KLHL2: variants seen among roughly 807,000 people sequenced by gnomAD.
KLHL2 encodes kelch like family member 2.
In KLHL2, 15 loss-of-function variants were observed where a neutral mutation model predicts 75.8. The observed-to-expected ratio is 0.20, with a 90% CI of 0.13 to 0.30. KLHL2 has a LOEUF of 0.30. Among genes scored for constraint, KLHL2 ranks in the 10% least tolerant of loss-of-function variants. The pLI is 1.00. For missense variants in KLHL2, 381 were observed against 741.0 expected (o/e 0.51, Z 5.64); for synonymous variants, 214 against 251.9 (o/e 0.85, Z 1.42).
chr4:165,239,593 C>T lies in KLHL2; in HGVS notation c.381+694C>T, dbSNP rs145646288. Among the ~76,000 whole-genome samples, 1,470 of 152,198 alleles carry T rather than the reference C, an allele frequency of 9.7e-3. 16 individuals carry two copies. The highest frequency in any genetic ancestry group is 0.016 in the Non-Finnish European group (1,091 of 68,018). ...ATTCTTTGTTTTACTATTTGAGCAT[C>T]CTCTTTAAGTGATTCTGGAGTTTAG... On this transcript the variant is annotated intron_variant, in intron 4 of 14. Transcript: ENST00000226725.
intron 4 of KLHL2, among the ~76,000 whole-genome samples, chr4:165,241,355 A>G (rs1739804492): frequency 6.6e-6 from 1 of 152,206 alleles, no homozygotes. Context: ...TTGTCAATCT[A>G]TATTTTGTTA....
intron 14 of KLHL2, chr4:165,321,503 G>A: frequency 3.2e-6 from 1 of 316,166 alleles, no homozygotes; most frequent in Non-Finnish European, 6.2e-6. Context: ...TGTAAAATAT[G>A]TGTTAATTGA....
intron 6 of KLHL2, 26 bp downstream of exon 6, chr4:165,294,494 G>T (rs1310746902): frequency 2.4e-6 from 3 of 1,242,172 alleles, no homozygotes; most frequent in South Asian, 1.3e-5. Context: ...TTTTCCCAGT[G>T]TGCAATGATG....
intron 10 of KLHL2, among the ~76,000 whole-genome samples, 190 bp downstream of exon 10, chr4:165,310,940 C>CT (rs1287039316): frequency 2.4e-4 from 36 of 151,422 alleles, no homozygotes; most frequent in South Asian, 8.4e-4. Context: ...CTGCAAGCTC[C>CT]GCCTGCCGGG....
At chr4:165,295,022 ACTCT>A (rs553464137) in intron 6 of KLHL2, among the ~76,000 whole-genome samples, 1 of 150,688 alleles carries the variant, frequency 6.6e-6, no homozygotes, top group Non-Finnish European at 1.5e-5. Flanking sequence ...TGCCTCCCTG[ACTCT>A]CTCCCTCCCT....
In KLHL2 at chr4:165,263,375, C is replaced by T; in HGVS notation, c.544+16C>T. ...ACCTATGCAGGCAAGTGGAGTAGACCTCAGCTGAATTTGGGAGGAAACTGC... is the reference window on the plus strand; with the variant it reads ...ACCTATGCAGGCAAGTGGAGTAGACTTCAGCTGAATTTGGGAGGAAACTGC... On this transcript the variant is annotated intron_variant, in intron 5 of 14. Coordinates refer to ENST00000226725, the MANE Select transcript of KLHL2 (RefSeq NM_007246.4). 1.2e-6 allele frequency: 2 copies of T among 1,607,234 alleles called. No homozygotes were observed. The highest frequency in any genetic ancestry group is 8.5e-7 in the Non-Finnish European group (1 of 1,174,900).
At chr4:165,293,261 A>G (rs1280334929) in intron 5 of KLHL2, among the ~76,000 whole-genome samples, 1 of 152,192 alleles carries the variant, frequency 6.6e-6, no homozygotes, top group Non-Finnish European at 1.5e-5. Context: ...TATTAAACTG[A>G]TAAGAACAGA....
At chr4:165,241,244 A>G in intron 4 of KLHL2, among the ~76,000 whole-genome samples, 1 of 152,220 alleles carries the variant, frequency 6.6e-6, no homozygotes, top group Middle Eastern at 3.2e-3. Flanking sequence ...AATTAGATTA[A>G]AAGTAGCTAC....
chr4:165,318,039 GT>G, intron 14 of KLHL2, 70 bp downstream of exon 14: 1 of 1,399,570 alleles, frequency 7.1e-7, no homozygotes, highest in Non-Finnish European at 1.0e-6. Flanking sequence ...TATTAACGAA[GT>G]TTTTCTGTTA....
At chr4:165,238,953 TAAA>T (rs1167819645) in intron 4 of KLHL2, 54 bp downstream of exon 4, 1 of 1,562,506 alleles carries the variant, frequency 6.4e-7, no homozygotes, top group Non-Finnish European at 8.6e-7. Flanking sequence ...GTTTTTTTAA[TAAA>T]AAAAGCACAC....
At position 165,303,439 on chromosome 4, in the gene KLHL2, C is replaced by G. The variant is rs1443869070; in HGVS notation, c.922-2169C>G. ...CAGTTTTGAAGTTTTGAACAGAACC[C>G]TAAATACAAGGTTTATCTTAACATG... On this transcript the variant is annotated intron_variant, in intron 8 of 14. Coordinates refer to ENST00000226725, the MANE Select transcript of KLHL2 (RefSeq NM_007246.4). 2.1e-5 allele frequency among the ~76,000 whole-genome samples: 3 copies of G among 145,648 alleles called. No homozygotes were observed. The Admixed American group carries it at 2.2e-4, about 11-fold the overall frequency.
intron 2 of KLHL2, among the ~76,000 whole-genome samples, chr4:165,221,946 A>C (rs1413064794): frequency 6.6e-6 from 1 of 152,170 alleles, no homozygotes; most frequent in Non-Finnish European, 1.5e-5. Context: ...GGTTGTTTTA[A>C]GACTGGGATC....
At chr4:165,314,273 G>T in intron 13 of KLHL2, 107 bp downstream of exon 13, 1 of 1,078,832 alleles carries the variant, frequency 9.3e-7, no homozygotes, top group South Asian at 1.6e-5. Flanking sequence ...TTCTTTTACT[G>T]ATCTGGGTTC....
intron 5 of KLHL2, chr4:165,278,409 G>A (rs765756675): frequency 1.0e-5 from 14 of 1,386,956 alleles, no homozygotes; most frequent in South Asian, 9.3e-5. Flanking sequence ...CCACAGTCTC[G>A]ATTCATGGCA....
intron 9 of KLHL2, among the ~76,000 whole-genome samples, chr4:165,310,075 C>T (rs377532920): frequency 3.9e-5 from 6 of 152,174 alleles, no homozygotes; most frequent in African/African-American, 1.4e-4. Context: ...CAGTGGCTCA[C>T]GCTTGTAATC....
intron 4 of KLHL2, among the ~76,000 whole-genome samples, chr4:165,249,523 T>C (rs1377960371): frequency 1.4e-5 from 2 of 143,246 alleles, no homozygotes; most frequent in Non-Finnish European, 3.2e-5. Flanking sequence ...CTGCAAAATA[T>C]ACCTTTCTAG....
At chr4:165,212,656 T>C (rs572383235) in intron 1 of KLHL2, among the ~76,000 whole-genome samples, 5 of 152,236 alleles carry the variant, frequency 3.3e-5, no homozygotes, top group Non-Finnish European at 7.3e-5. Context: ...CACTTAGTCT[T>C]GTCAACAACC....
At chr4:165,275,320 C>A (rs1021966731) in intron 5 of KLHL2, among the ~76,000 whole-genome samples, 1 of 151,924 alleles carries the variant, frequency 6.6e-6, no homozygotes, top group African/African-American at 2.4e-5. Flanking sequence ...TTATTTTTAG[C>A]ATTTTTTGCA....
chr4:165,254,802 CT>C (rs1741032359), intron 4 of KLHL2, among the ~76,000 whole-genome samples: 1 of 152,178 alleles, frequency 6.6e-6, no homozygotes, highest in Non-Finnish European at 1.5e-5. Context: ...CAAATTTTCC[CT>C]GATTACATCT....
Sources: gnomAD v4.1 joint callset for allele counts (sites outside exome capture counted in the v4.1 genomes callset) on GRCh38, gnomAD v4.1.1 for gene constraint, MANE v1.5 for transcripts, NCBI Gene and HGNC (gene_info 2026-07-23, HGNC 2026-07-21) for gene names.